NHSL3: variants seen among roughly 807,000 people sequenced by gnomAD.
NHSL3 encodes the protein NHS like 3, also known as NHS-like protein 3.
chr1:32,770,369 C>T, the NHSL3 span: 6 of 1,609,108 alleles, frequency 3.7e-6, no homozygotes, highest in East Asian at 8.9e-5. This position sits in a 1 kb window ranked among gnomAD's most constrained non-coding sequence, Gnocchi z 8.3. Context: ...GGGCGCTTCT[C>T]CTCCGTCTCC....
chr1:32,756,608 G>A, the NHSL3 span, among the ~76,000 whole-genome samples: 65 of 140,492 alleles, frequency 4.6e-4, no homozygotes, highest in Non-Finnish European at 8.6e-4. Flanking sequence ...GCAGTGAGCC[G>A]ATCGTGCCAG....
the NHSL3 span, among the ~76,000 whole-genome samples, chr1:32,758,901 G>A: frequency 6.6e-6 from 1 of 152,268 alleles, no homozygotes; most frequent in Admixed American, 6.5e-5. Flanking sequence ...TTCCCAAACT[G>A]AGGGGTTAGG....
the NHSL3 span, chr1:32,773,256 G>A: frequency 3.1e-6 from 1 of 324,986 alleles, no homozygotes; most frequent in East Asian, 6.1e-5. Flanking sequence ...TCCAAACCAT[G>A]CACATACTAT....
the NHSL3 span, chr1:32,771,182 C>T: frequency 6.2e-7 from 1 of 1,610,508 alleles, no homozygotes; most frequent in Non-Finnish European, 8.5e-7. Flanking sequence ...AAGGTGCCTG[C>T]CCCCTTCTCC....
the NHSL3 span, among the ~76,000 whole-genome samples, chr1:32,766,440 A>G: frequency 6.6e-6 from 1 of 151,476 alleles, no homozygotes. Flanking sequence ...GGTCAGTCTG[A>G]CTCCTACTGC....
At chr1:32,755,752 T>C in the NHSL3 span, among the ~76,000 whole-genome samples, 2 of 152,212 alleles carry the variant, frequency 1.3e-5, no homozygotes, top group African/African-American at 2.4e-5. Flanking sequence ...GTTAGGCTCT[T>C]TGAGGATTTC....
At chr1:32,773,186 G>A in the NHSL3 span, 1 of 506,384 alleles carries the variant, frequency 2.0e-6, no homozygotes, top group Non-Finnish European at 3.6e-6. Flanking sequence ...GCCCCCTGCT[G>A]GCCCTGAGGC....
chr1:32,742,439 A>G, the NHSL3 span, among the ~76,000 whole-genome samples: 1 of 152,236 alleles, frequency 6.6e-6, no homozygotes, highest in African/African-American at 2.4e-5. Flanking sequence ...CTGGCAGAGC[A>G]GGAAGTGCTG....
the NHSL3 span, among the ~76,000 whole-genome samples, chr1:32,753,833 A>G: frequency 1.0e-3 from 157 of 152,250 alleles, 1 homozygote; most frequent in Admixed American, 9.3e-3. Context: ...TGTGCGCCCT[A>G]GGCTGGGCGG....
the NHSL3 span, chr1:32,765,745 A>C: frequency 1.3e-6 from 2 of 1,546,654 alleles, no homozygotes; most frequent in Non-Finnish European, 1.7e-6. Context: ...TGGGATAGGG[A>C]ACGTCTCGAG....
the NHSL3 span, chr1:32,742,257 G>A: frequency 8.2e-7 from 1 of 1,225,856 alleles, no homozygotes; most frequent in Non-Finnish European, 1.0e-6. Flanking sequence ...GGCTCTGCCG[G>A]GGGTCCGCGC....
chr1:32,768,413 G>T, the NHSL3 span, among the ~76,000 whole-genome samples: 4 of 152,098 alleles, frequency 2.6e-5, no homozygotes, highest in Non-Finnish European at 5.9e-5. Context: ...GGCCAAAGTG[G>T]TGAAACCCTG....
At chr1:32,767,990 T>C in the NHSL3 span, 33 of 1,611,514 alleles carry the variant, frequency 2.0e-5, no homozygotes, top group African/African-American at 2.7e-5. Context: ...TCCCCTCTCC[T>C]CCCTCCAGTG....
At chr1:32,771,942 C>T in the NHSL3 span, 3 of 1,603,548 alleles carry the variant, frequency 1.9e-6, no homozygotes, top group Non-Finnish European at 2.6e-6. Context: ...GGCGGGCCAG[C>T]CCAGTGCCTG....
chr1:32,772,576 A>G, the NHSL3 span: 1 of 1,383,308 alleles, frequency 7.2e-7, no homozygotes, highest in Non-Finnish European at 9.5e-7. Flanking sequence ...GCAAGCTGTC[A>G]CCCTTGCTGG....
chr1:32,770,187 G>A, the NHSL3 span: 2 of 1,603,268 alleles, frequency 1.2e-6, no homozygotes, highest in South Asian at 1.1e-5. The surrounding 1 kb of genome is among the most constrained non-coding windows in gnomAD (Gnocchi z 8.3). Flanking sequence ...GGCCTGCAGA[G>A]CCCCTGAGCC....
the NHSL3 span, among the ~76,000 whole-genome samples, chr1:32,758,648 G>T: frequency 6.6e-6 from 1 of 151,994 alleles, no homozygotes; most frequent in Non-Finnish European, 1.5e-5. Flanking sequence ...GCTGCCCCAG[G>T]CCCCGACTCA....
chr1:32,753,975 G>T, the NHSL3 span: 1 of 363,112 alleles, frequency 2.8e-6, no homozygotes, highest in African/African-American at 2.2e-5. Context: ...GCTGGGGCTG[G>T]GGGCGCCCGC....
chr1:32,771,133 A>C, the NHSL3 span: 1 of 1,609,992 alleles, frequency 6.2e-7, no homozygotes, highest in African/African-American at 1.4e-5. Context: ...ACAGATATTG[A>C]CCCCCCTGGG....
Sources: gnomAD v4.1 joint callset for allele counts (sites outside exome capture counted in the v4.1 genomes callset) on GRCh38, gnomAD v4.1.1 for gene constraint, Gnocchi (gnomAD v3.1) non-coding constraint, MANE v1.5 for transcripts, NCBI Gene and HGNC (gene_info 2026-07-23, HGNC 2026-07-21) for gene names.